Variants in PCDH7 observed in about 807,000 individuals in gnomAD.
PCDH7 encodes protocadherin 7, also known as protocadherin-7.
In PCDH7, 17 loss-of-function variants were observed where a neutral mutation model predicts 58.9. The ratio of observed to expected loss-of-function variants is 0.29; its 90% CI spans 0.20 to 0.43. PCDH7 has a LOEUF of 0.43. PCDH7 is among the 20% of genes least tolerant of loss of function. PCDH7 has a pLI of 1.00. For synonymous variants in PCDH7, 664 were observed against 616.4 expected (o/e 1.08, Z -1.14); for missense variants, 1,274 against 1,441.0 (o/e 0.88, Z 1.88).
At chr4:31,118,661 C>A (rs1323549960) in intron 3 of PCDH7, among the ~76,000 whole-genome samples, 1 of 152,028 alleles carries the variant, frequency 6.6e-6, no homozygotes, top group Non-Finnish European at 1.5e-5. Context: ...ACTGATGGTA[C>A]AAATGAACAA....
At chr4:30,838,305 T>A (rs1218381456) in intron 1 of PCDH7, among the ~76,000 whole-genome samples, 4 of 152,098 alleles carry the variant, frequency 2.6e-5, no homozygotes, top group Non-Finnish European at 4.4e-5. Flanking sequence ...AATTAGGAAT[T>A]TGATATACAT....
At chr4:30,990,126 A>G (rs916130106) in intron 3 of PCDH7, among the ~76,000 whole-genome samples, 3 of 152,062 alleles carry the variant, frequency 2.0e-5, no homozygotes, top group Non-Finnish European at 2.9e-5. Flanking sequence ...TAATTTTTAT[A>G]TAATATAGTC....
At chr4:31,132,343 G>A (rs1182835483) in intron 3 of PCDH7, among the ~76,000 whole-genome samples, 1 of 152,056 alleles carries the variant, frequency 6.6e-6, no homozygotes, top group African/African-American at 2.4e-5. Flanking sequence ...GATAAAATGA[G>A]CGCTTCCTTC....
At chr4:30,980,258 C>G (rs1277416845) in intron 3 of PCDH7, among the ~76,000 whole-genome samples, 1 of 152,148 alleles carries the variant, frequency 6.6e-6, no homozygotes, top group Non-Finnish European at 1.5e-5. Context: ...ACACATTTTT[C>G]TAAATATAAG....
chr4:30,928,306 C>T (rs923418983), intron 2 of PCDH7, among the ~76,000 whole-genome samples: 7 of 152,162 alleles, frequency 4.6e-5, no homozygotes, highest in Non-Finnish European at 8.8e-5. Flanking sequence ...AGGTAAAATA[C>T]TTTCCATTGT....
At chr4:31,063,870 T>A (rs73117110) in intron 3 of PCDH7, among the ~76,000 whole-genome samples, 35,965 of 151,734 alleles carry the variant, frequency 0.24, 4,522 homozygotes, top group South Asian at 0.33. Flanking sequence ...CCCCATTTTA[T>A]AGATGGAGAA....
At chr4:31,071,425 C>CT (rs541910189) in intron 3 of PCDH7, among the ~76,000 whole-genome samples, 1 of 151,772 alleles carries the variant, frequency 6.6e-6, no homozygotes. Context: ...ATGTTGTGTG[C>CT]TTTTTTTGCA....
At chr4:30,801,964 C>T (rs1176665103) in intron 1 of PCDH7, among the ~76,000 whole-genome samples, 3 of 152,156 alleles carry the variant, frequency 2.0e-5, no homozygotes, top group African/African-American at 7.2e-5. Context: ...AGAAGGGTAA[C>T]ATTTTTTGAC....
In PCDH7 at chr4:31,140,027, T is replaced by C. The variant is rs1720055042; in HGVS notation, c.*8-2446T>C. Among the ~76,000 whole-genome samples, 4 of 152,288 alleles carry C rather than the reference T, an allele frequency of 2.6e-5. No individual in the cohort carries two copies. In the South Asian group the frequency reaches 8.3e-4, roughly 32 times the overall value. On this transcript the variant is annotated intron_variant, in intron 3 of 3. Coordinates refer to the PCDH7 transcript ENST00000509759. ...GGAAATCAATTTTGGCAGAAAATAC[T>C]CCAGACTGTGAAGTAAAGACTGAAG...
intron 1 of PCDH7, among the ~76,000 whole-genome samples, chr4:30,878,723 G>A (rs771946277): frequency 5.3e-5 from 8 of 152,038 alleles, no homozygotes; most frequent in Non-Finnish European, 7.4e-5. Flanking sequence ...GATGGTGGGC[G>A]CCTGTAATCC....
At chr4:31,075,718 T>C (rs1355591173) in intron 3 of PCDH7, among the ~76,000 whole-genome samples, 1 of 152,158 alleles carries the variant, frequency 6.6e-6, no homozygotes. Context: ...TTGTATCTCA[T>C]GGGGGATAAC....
intron 3 of PCDH7, among the ~76,000 whole-genome samples, chr4:30,972,883 C>A (rs993158907): frequency 1.3e-5 from 2 of 152,204 alleles, no homozygotes; most frequent in African/African-American, 4.8e-5. Flanking sequence ...CTTTAGCCCT[C>A]ACCACCTTTC....
At chr4:30,995,356 C>CA (rs1297120054) in intron 3 of PCDH7, among the ~76,000 whole-genome samples, 1 of 151,858 alleles carries the variant, frequency 6.6e-6, no homozygotes, top group Non-Finnish European at 1.5e-5. Flanking sequence ...ACTAAAAATA[C>CA]AAAAAATTAG....
chr4:30,897,129 C>T (rs1739543022), intron 1 of PCDH7, among the ~76,000 whole-genome samples: 1 of 151,958 alleles, frequency 6.6e-6, no homozygotes, highest in Non-Finnish European at 1.5e-5. Context: ...TGTTCTTGAT[C>T]TCCTGACCTC....
Position 30,793,418 on chromosome 4 carries a change from C to T in PCDH7, c.70+68822C>T, listed in dbSNP as rs1447732191. On this transcript the variant is annotated intron_variant, in intron 1 of 3. Coordinates refer to the PCDH7 transcript ENST00000509759. ...ACACAAAAGTTAAAACAAAGTAATA[C>T]AACAGTCTATTTCATGCAATTTATT... Among the ~76,000 whole-genome samples the T allele has an allele frequency of 2.0e-5, 3 of 151,990 alleles. No individual in the cohort carries two copies. In the East Asian group the frequency reaches 5.8e-4, roughly 29 times the overall value.
At chr4:30,801,947 T>C (rs1050041216) in intron 1 of PCDH7, among the ~76,000 whole-genome samples, 2 of 152,206 alleles carry the variant, frequency 1.3e-5, no homozygotes, top group Non-Finnish European at 2.9e-5. Flanking sequence ...GCCAACCTTT[T>C]GGTTAGAGAA....
intron 1 of PCDH7, among the ~76,000 whole-genome samples, chr4:30,881,167 C>G (rs1033042491): frequency 6.6e-6 from 1 of 152,000 alleles, no homozygotes; most frequent in African/African-American, 2.4e-5. Context: ...CAAAATTGAT[C>G]CTGTTACCAA....
intron 2 of PCDH7, among the ~76,000 whole-genome samples, chr4:30,946,779 C>T (rs1037235041): frequency 6.6e-6 from 1 of 150,748 alleles, no homozygotes; most frequent in Non-Finnish European, 1.5e-5. Context: ...ACGATCTTGG[C>T]TCACTGCAAC....
At chr4:31,058,800 T>C (rs985307734) in intron 3 of PCDH7, among the ~76,000 whole-genome samples, 1 of 151,926 alleles carries the variant, frequency 6.6e-6, no homozygotes, top group Admixed American at 6.6e-5. Flanking sequence ...AGTTTTTGAG[T>C]GGGTGATTCC....
Sources: allele counts gnomAD v4.1 joint callset (sites outside exome capture counted in the v4.1 genomes callset), GRCh38; gene constraint gnomAD v4.1.1; transcripts MANE v1.5; gene names NCBI Gene and HGNC (gene_info 2026-07-23, HGNC 2026-07-21).